Variants in MDGA2 observed in about 807,000 individuals in gnomAD.
The protein encoded by MDGA2 is MAM domain-containing glycosylphosphatidylinositol anchor protein 2.
In MDGA2, 40 loss-of-function variants were observed where a neutral mutation model predicts 117.8. The observed-to-expected ratio is 0.34, with a 90% CI of 0.26 to 0.44. The LOEUF (loss-of-function observed/expected upper bound fraction) is 0.44. Among genes scored for constraint, MDGA2 ranks in the 20% least tolerant of loss-of-function variants. The pLI is 1.00. For missense variants in MDGA2, 1,123 were observed against 1,250.6 expected (o/e 0.90, Z 1.54); for synonymous variants, 452 against 439.0 (o/e 1.03, Z -0.37).
intron 3 of MDGA2, among the ~76,000 whole-genome samples, chr14:47,178,592 C>G (rs888500103): frequency 3.9e-5 from 6 of 151,946 alleles, no homozygotes; most frequent in Admixed American, 6.6e-5. Context: ...CAGGCACTGA[C>G]CTAGGTATAA....
intron 15 of MDGA2, among the ~76,000 whole-genome samples, chr14:46,852,615 G>A (rs890465950): frequency 6.6e-6 from 1 of 151,802 alleles, no homozygotes; most frequent in Non-Finnish European, 1.5e-5. Context: ...AGAAACAGAG[G>A]GGTGAATTTG....
chr14:46,998,937 A>T (rs933107978), intron 8 of MDGA2, among the ~76,000 whole-genome samples: 1 of 152,100 alleles, frequency 6.6e-6, no homozygotes, highest in Non-Finnish European at 1.5e-5. Flanking sequence ...TTCTATCATA[A>T]GAAATCTCAG....
intron 1 of MDGA2, among the ~76,000 whole-genome samples, chr14:47,352,403 T>C (rs1444903065): frequency 0.034 from 3 of 88 alleles, no homozygotes; most frequent in African/African-American, 0.056. Context: ...TTTGGATACC[T>C]AGTTTTAACC....
intron 5 of MDGA2, among the ~76,000 whole-genome samples, chr14:47,108,264 A>C (rs1175780494): frequency 2.0e-5 from 3 of 152,046 alleles, no homozygotes; most frequent in African/African-American, 4.8e-5. Context: ...CCGCCCCAAC[A>C]CTTCAACACT....
chr14:47,665,609 G>A (rs955083605), intron 1 of MDGA2, among the ~76,000 whole-genome samples: 48 of 152,288 alleles, frequency 3.2e-4, no homozygotes, highest in Admixed American at 1.9e-3. Context: ...TGGGCTTGGC[G>A]GCCCTGCACT....
At position 46,841,957 on chromosome 14, in the gene MDGA2, T is replaced by C. The variant is rs761437922; in HGVS notation, c.3052A>G (p.Ile1018Val). ...HIWLFPIIVL[I>V]SILSPRR Reference sequence around the variant, plus strand: ...CACCTTCGAGGACTTAAGATAGAGATGAGGACGATAATGGGAAAAAGCCAT... The same window carrying C: ...CACCTTCGAGGACTTAAGATAGAGACGAGGACGATAATGGGAAAAAGCCAT... Residue 1018 changes from isoleucine (I) to valine (V), a missense_variant, in exon 17 of 17, where the codon ATC becomes GTC. Physicochemically the swap from Ile to Val is conservative, Grantham distance 29. This residue lies in a region of MDGA2 where 890 missense variants were observed against 1,050.3 expected (regional missense o/e 0.85). Coordinates refer to ENST00000399232, the MANE Select transcript of MDGA2 (RefSeq NM_001113498.3). The C allele has an allele frequency of 6.2e-7, 1 of 1,612,508 alleles. No homozygotes were observed. Among genetic ancestry groups the C allele is most frequent in the Admixed American group, 1.7e-5 (1 of 59,956 alleles).
intron 9 of MDGA2, among the ~76,000 whole-genome samples, chr14:46,929,295 C>T (rs1884446131): frequency 1.3e-5 from 2 of 151,846 alleles, no homozygotes; most frequent in Non-Finnish European, 2.9e-5. Context: ...AAGTATAAAA[C>T]TTGAAAGACC....
intron 4 of MDGA2, among the ~76,000 whole-genome samples, chr14:47,139,831 C>CAT (rs576039938): frequency 0.082 from 11,776 of 143,008 alleles, 628 homozygotes; most frequent in Admixed American, 0.16. Context: ...TATATATACA[C>CAT]ATATATATAT....
intron 9 of MDGA2, among the ~76,000 whole-genome samples, chr14:46,941,740 T>C (rs756551641): frequency 6.6e-6 from 1 of 152,076 alleles, no homozygotes; most frequent in Non-Finnish European, 1.5e-5. Flanking sequence ...CTTTTCTGTA[T>C]TCAGTTTTCT....
intron 1 of MDGA2, among the ~76,000 whole-genome samples, chr14:47,531,836 A>G (rs1047930547): frequency 6.6e-6 from 1 of 152,228 alleles, no homozygotes; most frequent in Non-Finnish European, 1.5e-5. Context: ...ATTTGAAAAC[A>G]TGTATTCTAT....
At chr14:47,148,773 T>C (rs899003100) in intron 3 of MDGA2, among the ~76,000 whole-genome samples, 2 of 152,206 alleles carry the variant, frequency 1.3e-5, no homozygotes, top group South Asian at 2.1e-4. Flanking sequence ...GAGCTCAAAA[T>C]CTGAAAATTG....
intron 12 of MDGA2, among the ~76,000 whole-genome samples, chr14:46,876,454 TA>T (rs1882233151): frequency 1.3e-5 from 2 of 151,518 alleles, no homozygotes; most frequent in African/African-American, 4.8e-5. Flanking sequence ...TATAAAATAC[TA>T]AAAGAGTAAT....
intron 12 of MDGA2, among the ~76,000 whole-genome samples, chr14:46,875,239 A>G (rs1882178500): frequency 6.6e-6 from 1 of 151,748 alleles, no homozygotes. Context: ...CGACCTACCC[A>G]TAAGGGGTTA....
chr14:47,565,108 G>C (rs970737077), intron 1 of MDGA2, among the ~76,000 whole-genome samples: 7 of 151,752 alleles, frequency 4.6e-5, no homozygotes, highest in African/African-American at 1.7e-4. Flanking sequence ...ATTCTGTTTT[G>C]GTTATTTCAG....
chr14:47,450,716 T>C (rs1893224365), intron 1 of MDGA2, among the ~76,000 whole-genome samples: 1 of 152,074 alleles, frequency 6.6e-6, no homozygotes, highest in African/African-American at 2.4e-5. Context: ...AAAGTTGTAT[T>C]AGTTAATATG....
chr14:47,142,338 G>T (rs1234231271), intron 4 of MDGA2, among the ~76,000 whole-genome samples: 1 of 152,092 alleles, frequency 6.6e-6, no homozygotes, highest in African/African-American at 2.4e-5. Flanking sequence ...CAGCTACTCA[G>T]GAGGCTGAGG....
At chr14:47,299,355 T>A (rs979397447) in intron 2 of MDGA2, 4 of 152,128 alleles carry the variant, frequency 2.6e-5, no homozygotes, top group Admixed American at 2.6e-4. Context: ...AGTTGCATTT[T>A]AAAATATAAT....
At chr14:47,038,428 AT>A (rs1162588189) in intron 7 of MDGA2, among the ~76,000 whole-genome samples, 7 of 152,102 alleles carry the variant, frequency 4.6e-5, no homozygotes, top group Admixed American at 1.3e-4. Context: ...ATTGACTATA[AT>A]TTTTTTAAAT....
intron 1 of MDGA2, among the ~76,000 whole-genome samples, chr14:47,439,936 C>T (rs1405652243): frequency 1.3e-5 from 2 of 151,708 alleles, no homozygotes; most frequent in Non-Finnish European, 2.9e-5. Flanking sequence ...TACTTTTAGC[C>T]TTTTTTTCTT....
Sources: gnomAD v4.1 joint callset for allele counts (sites outside exome capture counted in the v4.1 genomes callset) on GRCh38, gnomAD v4.1.1 for gene constraint, gnomAD v4.1.1 regional missense constraint, MANE v1.5 for transcripts, NCBI Gene and HGNC (gene_info 2026-07-23, HGNC 2026-07-21) for gene names.